The following ITGA8 variants were observed in gnomAD, a reference collection of about 807,000 sequenced individuals.
ITGA8 encodes the protein integrin subunit alpha 8.
ITGA8 carries 91 observed loss-of-function variants against 142.3 expected under a neutral mutation model. The ratio of observed to expected loss-of-function variants is 0.64; its 90% confidence interval spans 0.54 to 0.76. The LOEUF (loss-of-function observed/expected upper bound fraction) is 0.76. ITGA8 is among the 30% of genes least tolerant of loss of function. ITGA8 has a pLI of 0.00. For missense variants in ITGA8, 1,406 were observed against 1,327.7 expected (o/e 1.06, Z -0.92); for synonymous variants, 505 against 485.2 (o/e 1.04, Z -0.54).
At chr10:15,687,832 T>C (rs1441307213) in intron 3 of ITGA8, 106 bp downstream of exon 3, 2 of 702,538 alleles carry the variant, frequency 2.8e-6, no homozygotes, top group East Asian at 2.5e-5. Context: ...TCGTTGAAAG[T>C]CTAACATGTT....
intron 2 of ITGA8, among the ~76,000 whole-genome samples, chr10:15,698,477 G>A (rs1835098404): frequency 6.6e-6 from 1 of 152,026 alleles, no homozygotes; most frequent in Non-Finnish European, 1.5e-5. Context: ...TTTCTTTCAG[G>A]AATCTCTACA....
intron 11 of ITGA8, among the ~76,000 whole-genome samples, chr10:15,651,716 A>AG (rs1834089741): frequency 6.6e-6 from 1 of 152,178 alleles, no homozygotes; most frequent in African/African-American, 2.4e-5. Context: ...GTGTGCGTGC[A>AG]GGGAAGTCCT....
At chr10:15,568,343 T>C (rs893509571) in intron 25 of ITGA8, among the ~76,000 whole-genome samples, 4 of 152,236 alleles carry the variant, frequency 2.6e-5, no homozygotes, top group African/African-American at 9.6e-5. Flanking sequence ...GAGATGGTTG[T>C]GGATGAGAAC....
intron 2 of ITGA8, among the ~76,000 whole-genome samples, chr10:15,694,292 TATCATATATATGATAATATATC>T (rs1333224398): frequency 1.6e-4 from 20 of 127,270 alleles, no homozygotes; most frequent in African/African-American, 6.5e-4. Context: ...TCAGATAATA[TATCATATATATGATAATATATC>T]ATATATATGA....
At position 15,611,814 on chromosome 10, in the gene ITGA8, A is replaced by AAC. The variant is rs1554777662; in HGVS notation, c.1553+1845_1553+1846insGT. ...CTCTTAATCTGGTTAAAAAAAAAAAAAAAAAACCACACACTTCAGTCTTAT... is the reference window on the plus strand; with the variant it reads ...CTCTTAATCTGGTTAAAAAAAAAAAAACAAAAAACCACACACTTCAGTCTTAT... On this transcript the variant is annotated intron_variant, in intron 15 of 29. Transcript: ENST00000378076. Among the ~76,000 whole-genome samples, 723 of 151,850 alleles carry AAC rather than the reference A, an allele frequency of 4.8e-3. 5 individuals carry two copies. Among genetic ancestry groups the AAC allele is most frequent in the African/African-American group, 0.017 (692 of 41,444 alleles).
intron 27 of ITGA8, among the ~76,000 whole-genome samples, chr10:15,533,935 C>T (rs1833365297): frequency 1.3e-5 from 2 of 149,990 alleles, no homozygotes; most frequent in Non-Finnish European, 1.5e-5. Context: ...GAGACAGAGT[C>T]TCATTCTGTT....
chr10:15,717,930 G>A (rs552010302), intron 2 of ITGA8, among the ~76,000 whole-genome samples: 1 of 152,316 alleles, frequency 6.6e-6, no homozygotes, highest in East Asian at 1.9e-4. Context: ...GGTACACAAG[G>A]TATTTTAAAC....
chr10:15,599,691 C>G (rs1374200456), intron 20 of ITGA8, among the ~76,000 whole-genome samples: 3 of 143,698 alleles, frequency 2.1e-5, no homozygotes, highest in Non-Finnish European at 4.5e-5. Flanking sequence ...GAGGCCGAGG[C>G]AGGTGGATCG....
At chr10:15,700,662 T>C (rs1432474818) in intron 2 of ITGA8, among the ~76,000 whole-genome samples, 1 of 152,086 alleles carries the variant, frequency 6.6e-6, no homozygotes, top group East Asian at 1.9e-4. Flanking sequence ...CTTCACAATC[T>C]ATATATCCAA....
chr10:15,667,485 A>C (rs188826682), intron 8 of ITGA8, among the ~76,000 whole-genome samples: 5 of 152,160 alleles, frequency 3.3e-5, no homozygotes, highest in Admixed American at 3.3e-4. Flanking sequence ...GGATTCATTA[A>C]TTTGTTGAAG....
chr10:15,685,435 C>T (rs1379711012), intron 3 of ITGA8, among the ~76,000 whole-genome samples: 19 of 152,144 alleles, frequency 1.2e-4, no homozygotes, highest in Non-Finnish European at 2.4e-4. Flanking sequence ...ATTGATTTAA[C>T]TGCCCACAGG....
intron 2 of ITGA8, among the ~76,000 whole-genome samples, chr10:15,692,974 A>G (rs1032620313): frequency 6.6e-6 from 1 of 152,202 alleles, no homozygotes; most frequent in Non-Finnish European, 1.5e-5. Flanking sequence ...AGTTTGAGAC[A>G]TGAGAATTAG....
chr10:15,530,032 G>A (rs749030092), intron 28 of ITGA8, among the ~76,000 whole-genome samples: 1 of 152,206 alleles, frequency 6.6e-6, no homozygotes, highest in Admixed American at 6.5e-5. Context: ...AGGGATGAAG[G>A]TGGAATCCTA....
chr10:15,587,903 A>G (rs1284485021), intron 22 of ITGA8, among the ~76,000 whole-genome samples: 1 of 152,230 alleles, frequency 6.6e-6, no homozygotes, highest in Non-Finnish European at 1.5e-5. Flanking sequence ...AGGCTCAACC[A>G]GTAACTGAGT....
chr10:15,624,735 G>A (rs555188934), intron 13 of ITGA8, among the ~76,000 whole-genome samples: 1 of 152,234 alleles, frequency 6.6e-6, no homozygotes, highest in African/African-American at 2.4e-5. Flanking sequence ...GACGAACTAA[G>A]GCCATCAAGT....
At chr10:15,587,520 G>T (rs1332912308) in intron 22 of ITGA8, among the ~76,000 whole-genome samples, 1 of 152,154 alleles carries the variant, frequency 6.6e-6, no homozygotes, top group African/African-American at 2.4e-5. Flanking sequence ...TCTTCAGTTA[G>T]TATTAAAATA....
intron 29 of ITGA8, among the ~76,000 whole-genome samples, chr10:15,518,319 G>A (rs139882300): frequency 2.8e-3 from 431 of 152,254 alleles, no homozygotes; most frequent in Non-Finnish European, 5.2e-3. Flanking sequence ...CCTGTCAATT[G>A]GCACACATGG....
rs573777977 is a variant in ITGA8, at chr10:15,669,156, C to T, written c.847+2447G>A. On this transcript the variant is annotated intron_variant, in intron 8 of 29. Transcript: ENST00000378076. ...TTCTCCCTGTCACTTTCAGGCACAC[C>T]AATCAGATGTAGATTTGGTCTTTTC... Among the ~76,000 whole-genome samples, 3 of 152,314 alleles carry T rather than the reference C, an allele frequency of 2.0e-5. No individual in the cohort carries two copies. In the South Asian group the frequency reaches 6.2e-4, roughly 32 times the overall value.
At chr10:15,532,040 T>TGGGGGA (rs1364179236) in intron 27 of ITGA8, among the ~76,000 whole-genome samples, 1 of 21,628 alleles carries the variant, frequency 4.6e-5, no homozygotes, top group African/African-American at 1.8e-4. Context: ...TGAGTTAGGG[T>TGGGGGA]GGGGGTGGGG....
Sources: gnomAD v4.1 joint callset for allele counts (sites outside exome capture counted in the v4.1 genomes callset) on GRCh38, gnomAD v4.1.1 for gene constraint, MANE v1.5 for transcripts, NCBI Gene and HGNC (gene_info 2026-07-23, HGNC 2026-07-21) for gene names.